The following FAM168B variants were observed in gnomAD, a reference collection of about 807,000 sequenced individuals.
The protein encoded by FAM168B is myelin-associated neurite-outgrowth inhibitor.
In FAM168B, 19 loss-of-function variants were observed where a neutral mutation model predicts 21.8. The ratio of observed to expected loss-of-function variants is 0.87; its 90% CI spans 0.61 to 1.28. The LOEUF is 1.28. Ranked by LOEUF, FAM168B falls within the 50% of genes most tolerant of loss-of-function variation. FAM168B has a pLI of 0.00. For synonymous variants in FAM168B, 126 were observed against 104.8 expected (o/e 1.20, Z -1.24); for missense variants, 233 against 263.1 (o/e 0.89, Z 0.79).
At chr2:131,073,711 T>C (rs1046010464) in intron 2 of FAM168B, among the ~76,000 whole-genome samples, 4 of 152,140 alleles carry the variant, frequency 2.6e-5, no homozygotes, top group African/African-American at 9.7e-5. Flanking sequence ...TTCTGTTCAT[T>C]ATCCAGCTTG....
At chr2:131,075,010 C>T (rs1297502362) in intron 2 of FAM168B, among the ~76,000 whole-genome samples, 1 of 152,126 alleles carries the variant, frequency 6.6e-6, no homozygotes, top group Non-Finnish European at 1.5e-5. Flanking sequence ...CAGCAGAAGC[C>T]ATTCCGGGTT....
chr2:131,065,753 C>A (rs1180676501), intron 3 of FAM168B, among the ~76,000 whole-genome samples: 1 of 146,322 alleles, frequency 6.8e-6, no homozygotes, highest in African/African-American at 2.5e-5. Context: ...CGCACTACTG[C>A]ACTCCAGCCT....
intron 3 of FAM168B, among the ~76,000 whole-genome samples, chr2:131,065,142 A>G (rs1174866639): frequency 1.3e-5 from 2 of 152,202 alleles, no homozygotes; most frequent in Non-Finnish European, 2.9e-5. Context: ...ACAAAAACAA[A>G]CAAAAAAAGA....
chr2:131,064,648 C>T (rs1469076556), intron 3 of FAM168B, among the ~76,000 whole-genome samples: 5 of 152,150 alleles, frequency 3.3e-5, no homozygotes, highest in African/African-American at 4.8e-5. Flanking sequence ...TCCATACTCT[C>T]CCAGGTGGTT....
intron 1 of FAM168B, among the ~76,000 whole-genome samples, chr2:131,084,522 A>C (rs2105579868): frequency 1.3e-5 from 2 of 151,772 alleles, no homozygotes; most frequent in East Asian, 3.9e-4. Context: ...TTCTTCAAAA[A>C]CTTGTTAAGT....
chr2:131,085,850 TC>T (rs1010782395), intron 1 of FAM168B, among the ~76,000 whole-genome samples: 6 of 152,328 alleles, frequency 3.9e-5, no homozygotes, highest in African/African-American at 1.4e-4. Context: ...ATCTGTGCTG[TC>T]CCCTACAGCA....
chr2:131,080,863 G>A (rs1017510878), intron 2 of FAM168B, among the ~76,000 whole-genome samples: 6 of 151,564 alleles, frequency 4.0e-5, no homozygotes, highest in African/African-American at 9.7e-5. Flanking sequence ...TAGTAGAGAC[G>A]GGGTTTCAGT....
intron 2 of FAM168B, among the ~76,000 whole-genome samples, chr2:131,075,326 G>C (rs1291080810): frequency 6.6e-6 from 1 of 151,030 alleles, no homozygotes; most frequent in African/African-American, 2.4e-5. Context: ...ATATCCTGTA[G>C]GCCTCTGCAA....
At chr2:131,089,816 G>A (rs893263870) in intron 1 of FAM168B, among the ~76,000 whole-genome samples, 22 of 151,634 alleles carry the variant, frequency 1.5e-4, no homozygotes, top group African/African-American at 5.1e-4. Context: ...GGCAGATCAC[G>A]AGGTCAGGAA....
At chr2:131,052,764 A>G in intron 6 of FAM168B, 127 bp downstream of exon 6, 1 of 1,396,364 alleles carries the variant, frequency 7.2e-7, no homozygotes, top group Admixed American at 2.6e-5. Context: ...TTTAAACACT[A>G]CATTGCCTCT....
At chr2:131,054,626 C>T (rs919654596) in intron 5 of FAM168B, among the ~76,000 whole-genome samples, 2 of 152,194 alleles carry the variant, frequency 1.3e-5, no homozygotes, top group Non-Finnish European at 2.9e-5. Context: ...GTCATATTGA[C>T]CCAGAGACCA....
intron 2 of FAM168B, among the ~76,000 whole-genome samples, chr2:131,072,457 A>G (rs527339201): frequency 2.9e-4 from 44 of 149,314 alleles, no homozygotes; most frequent in Non-Finnish European, 5.5e-4. Flanking sequence ...ACAATTATAT[A>G]TTTTATTTTT....
chr2:131,089,325 G>A (rs1340347355), intron 1 of FAM168B, among the ~76,000 whole-genome samples: 1 of 152,024 alleles, frequency 6.6e-6, no homozygotes, highest in South Asian at 2.1e-4. Flanking sequence ...ATTCTTATGG[G>A]TGGTTTGACA....
At position 131,061,377 on chromosome 2, in the gene FAM168B, C is replaced by T. The variant is rs570304129; in HGVS notation, c.155-5682G>A. 3.4e-4 allele frequency among the ~76,000 whole-genome samples: 51 copies of T among 150,552 alleles called. No homozygotes were observed. The South Asian group carries it at 8.0e-3, about 24-fold the overall frequency. On this transcript the variant is annotated intron_variant, in intron 3 of 6. Transcript: ENST00000389915. ...GCTGACACACAACTGAGAGCGTGTA[C>T]GCTAGCCAGAAAATCTCCATGGAAA... is the stretch of plus-strand genomic sequence containing the variant.
At chr2:131,085,338 C>T (rs1000002358) in intron 1 of FAM168B, among the ~76,000 whole-genome samples, 5 of 152,132 alleles carry the variant, frequency 3.3e-5, no homozygotes, top group Non-Finnish European at 7.4e-5. Flanking sequence ...TGTCTGTCTT[C>T]CCCACATCCC....
At chr2:131,072,409 C>A (rs1473535844) in intron 2 of FAM168B, among the ~76,000 whole-genome samples, 1 of 151,966 alleles carries the variant, frequency 6.6e-6, no homozygotes, top group African/African-American at 2.4e-5. Context: ...TAGGTGTGAG[C>A]CACCACGCCT....
intron 5 of FAM168B, among the ~76,000 whole-genome samples, chr2:131,053,978 T>C (rs1383898428): frequency 6.6e-6 from 1 of 152,066 alleles, no homozygotes; most frequent in African/African-American, 2.4e-5. Flanking sequence ...CCGAGGCAGG[T>C]GGATCACCTG....
At chr2:131,076,517 G>T (rs375595704) in intron 2 of FAM168B, among the ~76,000 whole-genome samples, 1 of 151,998 alleles carries the variant, frequency 6.6e-6, no homozygotes. Context: ...GCCGGGTGCA[G>T]TGGCGGGCTC....
intron 2 of FAM168B, among the ~76,000 whole-genome samples, chr2:131,072,437 T>C (rs975158795): frequency 2.6e-5 from 4 of 151,680 alleles, no homozygotes; most frequent in African/African-American, 9.7e-5. Flanking sequence ...CCTCAGAATT[T>C]TGATAGGTAA....
Sources: gnomAD v4.1 joint callset for allele counts (sites outside exome capture counted in the v4.1 genomes callset) on GRCh38, gnomAD v4.1.1 for gene constraint, MANE v1.5 for transcripts, NCBI Gene and HGNC (gene_info 2026-07-23, HGNC 2026-07-21) for gene names.